The following NOP58 variants were observed in gnomAD, a reference collection of about 807,000 sequenced individuals.
NOP58 encodes nucleolar protein 58.
In NOP58, 44 loss-of-function variants were observed where a neutral mutation model predicts 71.2. The ratio of observed to expected loss-of-function variants is 0.62; its 90% confidence interval spans 0.49 to 0.79. The LOEUF (loss-of-function observed/expected upper bound fraction) is 0.79, where lower values mean the gene tolerates loss of function less well. Ranked by LOEUF, NOP58 falls within the 30% of genes least tolerant of loss-of-function variation. NOP58 has a pLI of 0.00. For missense variants in NOP58, 538 were observed against 620.2 expected (o/e 0.87, Z 1.41); for synonymous variants, 228 against 200.3 (o/e 1.14, Z -1.17).
intron 9 of NOP58, among the ~76,000 whole-genome samples, chr2:202,294,991 C>T (rs1688968158): frequency 6.6e-6 from 1 of 151,422 alleles, no homozygotes; most frequent in Non-Finnish European, 1.5e-5. Context: ...GCAAGCATAA[C>T]TATTTTTGTG....
intron 1 of NOP58, 72 bp downstream of exon 1, chr2:202,266,058 C>T (rs1688408950): frequency 1.3e-6 from 2 of 1,545,514 alleles, no homozygotes; most frequent in East Asian, 2.2e-5. Flanking sequence ...AAGACTTAAG[C>T]ACGGAACTAC....
intron 5 of NOP58, among the ~76,000 whole-genome samples, chr2:202,287,042 A>C (rs1373107590): frequency 4.0e-5 from 6 of 151,824 alleles, no homozygotes; most frequent in African/African-American, 1.5e-4. Context: ...TGTGCTATTA[A>C]AAATTGCATG....
intron 1 of NOP58, among the ~76,000 whole-genome samples, chr2:202,269,863 AT>A (rs1486556497): frequency 1.3e-5 from 2 of 152,256 alleles, no homozygotes; most frequent in African/African-American, 4.8e-5. Context: ...TGTGGTAGCC[AT>A]TAGTACGTAT....
chr2:202,297,792 A>G lies in NOP58; in HGVS notation c.1207-53A>G, dbSNP rs1189016765. ...GATTCACTAGACTGTATAGTGTATT[A>G]TAAAGAGATTATGACTTAGAAGTGT... is the stretch of plus-strand genomic sequence containing the variant. On this transcript the variant is annotated intron_variant, in intron 11 of 14. Transcript: ENST00000264279. 3.7e-6 allele frequency: 4 copies of G among 1,076,624 alleles called. 1 individual carries two copies. The South Asian group carries it at 4.5e-5, about 12-fold the overall frequency. 66.7% of individuals were successfully genotyped at this position (1,076,624 alleles called of 1,614,324 possible).
intron 1 of NOP58, among the ~76,000 whole-genome samples, chr2:202,270,463 CT>C: frequency 6.6e-6 from 1 of 152,192 alleles, no homozygotes; most frequent in East Asian, 1.9e-4. Context: ...GGAAGTGAAA[CT>C]TAAAAGTTAG....
chr2:202,300,137 T>C (rs1689066193), intron 12 of NOP58, 97 bp from the exon 13 acceptor site: 2 of 1,019,768 alleles, frequency 2.0e-6, no homozygotes, highest in Non-Finnish European at 2.9e-6. Flanking sequence ...TGTGTGCTTA[T>C]GTAAGTATTA....
At chr2:202,292,140 C>T (rs938059493) in intron 8 of NOP58, among the ~76,000 whole-genome samples, 2 of 150,762 alleles carry the variant, frequency 1.3e-5, no homozygotes, top group Non-Finnish European at 3.0e-5. Flanking sequence ...ATTACAAGCA[C>T]GTGCCACCAT....
chr2:202,274,225 TTTTTG>T (rs987343957), intron 1 of NOP58, among the ~76,000 whole-genome samples: 4 of 151,974 alleles, frequency 2.6e-5, no homozygotes, highest in Admixed American at 2.6e-4. Context: ...TTTTTTTTGT[TTTTTG>T]TTTTATTTTT....
intron 1 of NOP58, among the ~76,000 whole-genome samples, chr2:202,266,432 G>A (rs1181854822): frequency 6.6e-6 from 1 of 152,006 alleles, no homozygotes; most frequent in African/African-American, 2.4e-5. Flanking sequence ...CCGAGTAGCT[G>A]GGATTACAGG....
chr2:202,289,176 A>G (rs1050791666), intron 6 of NOP58, among the ~76,000 whole-genome samples: 2 of 152,172 alleles, frequency 1.3e-5, no homozygotes, highest in Non-Finnish European at 2.9e-5. Context: ...ATTTATACCC[A>G]AAAGAATTAA....
intron 1 of NOP58, among the ~76,000 whole-genome samples, chr2:202,270,963 C>T (rs770583519): frequency 1.3e-5 from 2 of 151,536 alleles, no homozygotes; most frequent in African/African-American, 2.4e-5. Context: ...TGGTGTGTGT[C>T]GCCAAATCTG....
chr2:202,284,298 A>T, intron 4 of NOP58, 47 bp from the exon 5 acceptor site: 1 of 1,431,326 alleles, frequency 7.0e-7, no homozygotes, highest in South Asian at 1.3e-5. Context: ...CAACTTCAGG[A>T]AAGTCTTTTT....
chr2:202,285,536 G>A (rs968449590), intron 5 of NOP58, among the ~76,000 whole-genome samples: 11 of 150,744 alleles, frequency 7.3e-5, no homozygotes, highest in African/African-American at 2.7e-4. Context: ...TGTAGAGACG[G>A]GGTTTTGCCA....
chr2:202,303,156 T>TG, intron 14 of NOP58, 99 bp downstream of exon 14: 1 of 1,418,256 alleles, frequency 7.1e-7, no homozygotes, highest in Admixed American at 2.3e-5. Flanking sequence ...TTTTAAAAAA[T>TG]GGTTTTCATT....
At chr2:202,268,605 G>GTTTTTTGT (rs1356469566) in intron 1 of NOP58, among the ~76,000 whole-genome samples, 4 of 151,442 alleles carry the variant, frequency 2.6e-5, no homozygotes, top group Admixed American at 2.6e-4. Context: ...GTTTTTTGAA[G>GTTTTTTGT]TTTTTTGTTT....
At chr2:202,286,718 G>A (rs191529764) in intron 5 of NOP58, among the ~76,000 whole-genome samples, 16 of 152,266 alleles carry the variant, frequency 1.1e-4, no homozygotes, top group Admixed American at 2.0e-4. Context: ...ATTGTGTATA[G>A]CAGTGGTTCC....
rs367760922 is a variant in NOP58 at position 202,297,782 on chromosome 2, A to G, written c.1207-63A>G. ...CTGGCCCACTGATTCACTAGACTGT[A>G]TAGTGTATTATAAAGAGATTATGAC... On this transcript the variant is annotated intron_variant, in intron 11 of 14. Coordinates refer to ENST00000264279, the MANE Select transcript of NOP58 (RefSeq NM_015934.5). 3.0e-5 allele frequency: 30 copies of G among 986,302 alleles called. No homozygotes were observed. In the Admixed American group the frequency reaches 5.4e-4, roughly 18 times the overall value. The allele number at this position is 986,302 out of a possible 1,614,324, so 61.1% of individuals were successfully genotyped here.
chr2:202,300,510 G>A (rs894658859), intron 13 of NOP58, 143 bp downstream of exon 13: 31 of 632,666 alleles, frequency 4.9e-5, no homozygotes, highest in South Asian at 3.6e-4. Context: ...ATGCCATTAT[G>A]TTCTCTGGGA....
chr2:202,280,964 C>G (rs1016449606), intron 3 of NOP58, among the ~76,000 whole-genome samples: 1 of 151,722 alleles, frequency 6.6e-6, no homozygotes, highest in Non-Finnish European at 1.5e-5. Flanking sequence ...CCTCGTGACC[C>G]GCTCACCTCA....
Sources: gnomAD v4.1 joint callset for allele counts (sites outside exome capture counted in the v4.1 genomes callset) on GRCh38, gnomAD v4.1.1 for gene constraint, MANE v1.5 for transcripts, NCBI Gene and HGNC (gene_info 2026-07-23, HGNC 2026-07-21) for gene names.